Variants in PRDM16 observed in about 807,000 individuals in gnomAD.
PRDM16 encodes histone-lysine N-methyltransferase PRDM16.
PRDM16 carries 23 observed loss-of-function variants against 110.6 expected under a neutral mutation model. The ratio of observed to expected loss-of-function variants is 0.21; its 90% CI spans 0.15 to 0.29. The LOEUF is 0.29. PRDM16 is among the 10% of genes least tolerant of loss of function. PRDM16 has a pLI of 1.00. For missense variants in PRDM16, 1,615 were observed against 1,794.3 expected, an observed-to-expected ratio of 0.90 and a Z score of 1.81; for synonymous variants, 799 against 781.8, an observed-to-expected ratio of 1.02 and a Z score of -0.37.
chr1:3,248,989 C>T (rs1639861145), intron 3 of PRDM16, among the ~76,000 whole-genome samples: 1 of 152,180 alleles, frequency 6.6e-6, no homozygotes. Flanking sequence ...TTTTGTGCAG[C>T]AGTTACTGGA....
intron 1 of PRDM16, among the ~76,000 whole-genome samples, chr1:3,070,315 T>TGAG (rs1641718412): frequency 2.0e-5 from 3 of 147,852 alleles, no homozygotes; most frequent in African/African-American, 7.4e-5. Flanking sequence ...ACCCGCGCCC[T>TGAG]CGCCCGCCAC....
intron 2 of PRDM16, among the ~76,000 whole-genome samples, chr1:3,192,976 A>G (rs938146379): frequency 5.3e-5 from 8 of 152,184 alleles, no homozygotes; most frequent in Non-Finnish European, 1.2e-4. Flanking sequence ...ATTCATGTGC[A>G]CAGCTGAGTT....
rs540030021 is a variant in PRDM16 at position 3,188,057 on chromosome 1, G to C, written c.387+1583G>C. Among the ~76,000 whole-genome samples, 19 of 152,278 alleles carry C rather than the reference G, an allele frequency of 1.2e-4. 5 individuals carry two copies. The highest frequency in any genetic ancestry group is 5.8e-4 in the East Asian group (3 of 5,158). ...CAGGACAGGGAGAGAGTTTGGAGTCGAAGACCTCAGTGGAGACACTGCCCA... is the reference window on the plus strand; with the variant it reads ...CAGGACAGGGAGAGAGTTTGGAGTCCAAGACCTCAGTGGAGACACTGCCCA... On this transcript the variant is annotated intron_variant, in intron 2 of 16. Coordinates refer to ENST00000270722, the MANE Select transcript of PRDM16 (RefSeq NM_022114.4).
chr1:3,395,592 G>A (rs1044994079), intron 4 of PRDM16, among the ~76,000 whole-genome samples: 14 of 152,296 alleles, frequency 9.2e-5, no homozygotes, highest in African/African-American at 2.9e-4. Flanking sequence ...CACACCTGCC[G>A]CCAGACACTC....
At chr1:3,104,338 G>T (rs530306949) in intron 1 of PRDM16, among the ~76,000 whole-genome samples, 2 of 152,186 alleles carry the variant, frequency 1.3e-5, no homozygotes, top group African/African-American at 4.8e-5. Flanking sequence ...GAGGGGTGGG[G>T]TTGGAAGGTG....
In PRDM16 at chr1:3,209,621, C is replaced by G. The variant is rs1226910254; in HGVS notation, c.387+23147C>G. On this transcript the variant is annotated intron_variant, in intron 2 of 16. Transcript: ENST00000270722. This position sits in a 1 kb window ranked among gnomAD's most constrained non-coding sequence, Gnocchi z 4.6. ...AGTGGAATGTCCTGGAACCTCACTTCGGGATCCTTTGTCGAGACCAATTGG... is the reference window on the plus strand; with the variant it reads ...AGTGGAATGTCCTGGAACCTCACTTGGGGATCCTTTGTCGAGACCAATTGG... Among the ~76,000 whole-genome samples the G allele has an allele frequency of 6.6e-6, 1 of 152,202 alleles. No individual in the cohort carries two copies. The highest frequency in any genetic ancestry group is 1.5e-5 in the Non-Finnish European group (1 of 68,028).
chr1:3,131,844 C>T (rs1044800335), intron 1 of PRDM16, among the ~76,000 whole-genome samples: 8 of 152,184 alleles, frequency 5.3e-5, no homozygotes, highest in East Asian at 1.9e-4. Flanking sequence ...TCCTGGGACC[C>T]GCCTGCTTCC....
At chr1:3,188,220 A>C (rs1335581474) in intron 2 of PRDM16, among the ~76,000 whole-genome samples, 4 of 152,194 alleles carry the variant, frequency 2.6e-5, no homozygotes, top group Non-Finnish European at 5.9e-5. Flanking sequence ...GGGGAATTCA[A>C]GGGTGTTTGT....
At chr1:3,336,139 C>T (rs1204801512) in intron 3 of PRDM16, among the ~76,000 whole-genome samples, 1 of 152,218 alleles carries the variant, frequency 6.6e-6, no homozygotes, top group African/African-American at 2.4e-5. Context: ...CTGCTAGGCC[C>T]AGCCCCTGCA....
intron 3 of PRDM16, among the ~76,000 whole-genome samples, chr1:3,376,812 G>A (rs1642998228): frequency 6.8e-6 from 1 of 146,602 alleles, no homozygotes; most frequent in African/African-American, 2.5e-5. Flanking sequence ...CCCCAGGCTT[G>A]CTGACCGCCG....
intron 1 of PRDM16, among the ~76,000 whole-genome samples, chr1:3,170,083 G>T (rs913006912): frequency 1.3e-5 from 2 of 151,582 alleles, no homozygotes; most frequent in East Asian, 1.9e-4. Context: ...TTTTTTCCTC[G>T]CCGCTGGCCT....
intron 3 of PRDM16, among the ~76,000 whole-genome samples, chr1:3,331,469 A>G (rs529653903): frequency 6.0e-4 from 91 of 152,262 alleles, no homozygotes; most frequent in African/African-American, 2.1e-3. Context: ...TGAATGAATG[A>G]ATGAACAGAT....
intron 2 of PRDM16, among the ~76,000 whole-genome samples, chr1:3,222,499 T>C (rs1022982761): frequency 2.6e-5 from 4 of 152,334 alleles, no homozygotes; most frequent in Non-Finnish European, 4.4e-5. Flanking sequence ...TCCTTCGGCC[T>C]GTGGTCGGCT....
intron 1 of PRDM16, among the ~76,000 whole-genome samples, chr1:3,090,529 A>G (rs1642253441): frequency 6.6e-6 from 1 of 152,218 alleles, no homozygotes; most frequent in Non-Finnish European, 1.5e-5. Context: ...TTTCACCCAA[A>G]TGGAAGCAAA....
chr1:3,270,146 G>A (rs554552559), intron 3 of PRDM16, among the ~76,000 whole-genome samples: 25 of 150,690 alleles, frequency 1.7e-4, no homozygotes, highest in East Asian at 7.9e-4. Context: ...GTACAGTCCC[G>A]GAGGAGGACA....
rs547693692 is a variant in PRDM16, at chr1:3,143,875, G to C, written c.38-42250G>C. The stretch of plus-strand genomic sequence containing the variant: ...AGCTGAGGCCCTGTCTGTGGATGGA[G>C]GAGGAGGGACTGGCAAGCTTGGGGT... On this transcript the variant is annotated intron_variant, in intron 1 of 16. Coordinates refer to ENST00000270722, the MANE Select transcript of PRDM16 (RefSeq NM_022114.4). The surrounding 1 kb of genome is among the most constrained non-coding windows in gnomAD (Gnocchi z 4.5). Among the ~76,000 whole-genome samples the C allele has an allele frequency of 1.1e-4, 17 of 152,324 alleles. No homozygotes were observed. Among genetic ancestry groups the C allele is most frequent in the African/African-American group, 4.1e-4 (17 of 41,580 alleles).
chr1:3,277,528 C>G (rs1273281014), intron 3 of PRDM16, among the ~76,000 whole-genome samples: 3 of 152,220 alleles, frequency 2.0e-5, no homozygotes, highest in Non-Finnish European at 1.5e-5. Flanking sequence ...AGGCTGGCCC[C>G]GACCCTCTCC....
chr1:3,321,849 C>T (rs1355067370), intron 3 of PRDM16, among the ~76,000 whole-genome samples: 4 of 143,060 alleles, frequency 2.8e-5, no homozygotes, highest in Middle Eastern at 4.8e-3. Flanking sequence ...TGTGTGGGTC[C>T]GTGTGTGAGT....
chr1:3,107,856 G>A (rs139820082), intron 1 of PRDM16, among the ~76,000 whole-genome samples: 4 of 152,262 alleles, frequency 2.6e-5, no homozygotes, highest in Non-Finnish European at 4.4e-5. Flanking sequence ...CAAGCTCTGG[G>A]CCTCAATGAC....
Sources: gnomAD v4.1 joint callset for allele counts (sites outside exome capture counted in the v4.1 genomes callset) on GRCh38, gnomAD v4.1.1 for gene constraint, Gnocchi (gnomAD v3.1) non-coding constraint, MANE v1.5 for transcripts, NCBI Gene and HGNC (gene_info 2026-07-23, HGNC 2026-07-21) for gene names.